PRH1: variants seen among roughly 807,000 people sequenced by gnomAD.
PRH1 encodes salivary acidic proline-rich phosphoprotein 1/2.
A neutral mutation model predicts 7.9 loss-of-function variants in PRH1; 7 were observed. That is an observed-to-expected ratio of 0.89 (90% CI 0.50 to 1.67). The LOEUF (loss-of-function observed/expected upper bound fraction) is 1.67, where lower values mean the gene tolerates loss of function less well. Among genes scored for constraint, PRH1 ranks in the 40% most tolerant of loss-of-function variants. The pLI is 0.00. For missense variants in PRH1, 109 were observed against 223.6 expected (o/e 0.49, Z 3.27); for synonymous variants, 45 against 80.8 (o/e 0.56, Z 2.38).
intron 1 of PRH1, among the ~76,000 whole-genome samples, chr12:11,055,464 G>T (rs530872855): frequency 6.6e-6 from 1 of 152,262 alleles, no homozygotes; most frequent in Non-Finnish European, 1.5e-5. Flanking sequence ...TAATGTTCTT[G>T]TTCCTTTTAA....
intron 1 of PRH1, among the ~76,000 whole-genome samples, chr12:11,018,950 G>C (rs1352339055): frequency 6.6e-6 from 1 of 150,858 alleles, no homozygotes; most frequent in African/African-American, 2.4e-5. Flanking sequence ...TGTCTAAAAA[G>C]TTAAGTAGAA....
intron 1 of PRH1, among the ~76,000 whole-genome samples, chr12:11,148,559 C>T (rs1946947321): frequency 6.8e-6 from 1 of 146,990 alleles, no homozygotes. Flanking sequence ...TGGTTTTTGT[C>T]TTTGGTTCTG....
chr12:10,926,307 C>A (rs1158351443), intron 2 of PRH1, among the ~76,000 whole-genome samples: 2 of 152,208 alleles, frequency 1.3e-5, no homozygotes, highest in Non-Finnish European at 2.9e-5. Context: ...AGAAGTTTAT[C>A]CCCTCTGCCA....
chr12:11,164,866 A>G (rs1358362998), intron 1 of PRH1, among the ~76,000 whole-genome samples: 1 of 152,152 alleles, frequency 6.6e-6, no homozygotes, highest in Non-Finnish European at 1.5e-5. Flanking sequence ...AACTACCACA[A>G]TCAAGATATA....
chr12:11,037,973 C>T lies in PRH1; in HGVS notation c.-126+9047G>A, dbSNP rs1259188161. 3.3e-5 allele frequency among the ~76,000 whole-genome samples: 5 copies of T among 152,184 alleles called. No individual in the cohort carries two copies. The South Asian group carries it at 6.2e-4, about 19-fold the overall frequency. On this transcript the variant is annotated intron_variant, in intron 1 of 3. Transcript: ENST00000539853. ...GGGAGAATCACTTGAGCCCAGGTGG[C>T]GGAGGTTGCATTGAGCCAAGATTGC...
rs1022808401 is a variant in PRH1 at position 11,084,491 on chromosome 12, C to T, written n.124-37303G>A. Among the ~76,000 whole-genome samples the T allele has an allele frequency of 6.1e-5, 9 of 147,986 alleles. No homozygotes were observed. The Admixed American group carries it at 6.1e-4, about 10-fold the overall frequency. On this transcript the variant is annotated intron_variant and non_coding_transcript_variant, in intron 1 of 4. Transcript: ENST00000541977. ...AAATACTGGGTCTTCAGATGTGATC[C>T]ATCATCTTAATCAGATAATGCCATA...
intron 2 of PRH1, among the ~76,000 whole-genome samples, chr12:10,903,932 A>AAAAAAAAAAAAAAAAAAAAC (rs1491283645): frequency 3.9e-5 from 4 of 101,418 alleles, no homozygotes; most frequent in East Asian, 5.6e-4. Flanking sequence ...CAATAGCCTC[A>AAAAAAAAAAAAAAAAAAAAC]AAAAAAAAAA....
intron 1 of PRH1, chr12:11,133,340 T>C (rs752767803): frequency 1.9e-6 from 3 of 1,613,916 alleles, no homozygotes; most frequent in South Asian, 2.2e-5. Flanking sequence ...GCTTCTGTCT[T>C]TCACCCAGTA....
intron 2 of PRH1, among the ~76,000 whole-genome samples, chr12:10,922,617 G>C (rs549290587): frequency 6.6e-6 from 1 of 151,854 alleles, no homozygotes; most frequent in Non-Finnish European, 1.5e-5. Context: ...TAAAAGTATT[G>C]AATTAATTTT....
chr12:10,916,346 T>A (rs1195879124), intron 2 of PRH1, among the ~76,000 whole-genome samples: 1 of 152,110 alleles, frequency 6.6e-6, no homozygotes, highest in Non-Finnish European at 1.5e-5. Context: ...CAAACCCTGT[T>A]CCAGAGATGC....
At chr12:10,968,784 G>A (rs1287026485) in intron 2 of PRH1, among the ~76,000 whole-genome samples, 1 of 152,342 alleles carries the variant, frequency 6.6e-6, no homozygotes, top group Middle Eastern at 3.4e-3. Flanking sequence ...ATGCCAGCAG[G>A]AACAAATTCT....
At chr12:10,925,516 G>A (rs1325408098) in intron 2 of PRH1, among the ~76,000 whole-genome samples, 3 of 152,102 alleles carry the variant, frequency 2.0e-5, no homozygotes, top group African/African-American at 7.2e-5. Context: ...CTTGTATTAA[G>A]AAAGCACATA....
chr12:11,082,151 A>G (rs574668156), intron 1 of PRH1, among the ~76,000 whole-genome samples: 1 of 116,374 alleles, frequency 8.6e-6, no homozygotes, highest in South Asian at 2.3e-4. Flanking sequence ...TTTCAAAAAT[A>G]AATCATTTAA....
chr12:10,938,704 A>C, intron 2 of PRH1: 3 of 1,614,048 alleles, frequency 1.9e-6, no homozygotes, highest in Non-Finnish European at 2.5e-6. Context: ...AGTTACTTGA[A>C]TCAGAACTGC....
chr12:11,153,325 A>T (rs936521921), intron 1 of PRH1, among the ~76,000 whole-genome samples: 1 of 152,256 alleles, frequency 6.6e-6, no homozygotes, highest in African/African-American at 2.4e-5. Flanking sequence ...CTCCTATAGC[A>T]GAAGTACTAA....
At chr12:11,149,667 T>G (rs1252333598) in intron 1 of PRH1, among the ~76,000 whole-genome samples, 3 of 142,138 alleles carry the variant, frequency 2.1e-5, no homozygotes, top group Admixed American at 1.4e-4. Flanking sequence ...CAAAAATTAA[T>G]TCAAGATGGA....
chr12:10,978,607 A>G (rs1299884299), intron 1 of PRH1, among the ~76,000 whole-genome samples: 1 of 152,174 alleles, frequency 6.6e-6, no homozygotes, highest in African/African-American at 2.4e-5. Context: ...TTTCTGCACA[A>G]GAAAAGAAAT....
chr12:11,059,873 T>C (rs1309273904), intron 1 of PRH1, among the ~76,000 whole-genome samples: 1 of 152,174 alleles, frequency 6.6e-6, no homozygotes, highest in Admixed American at 6.5e-5. Context: ...CATTTATTTG[T>C]TCATTAAAAT....
At chr12:10,955,158 T>C (rs1937890265) in intron 2 of PRH1, among the ~76,000 whole-genome samples, 1 of 152,060 alleles carries the variant, frequency 6.6e-6, no homozygotes, top group Non-Finnish European at 1.5e-5. Context: ...TGGCATATAA[T>C]CTAAAATCAG....
Sources: allele counts gnomAD v4.1 joint callset (sites outside exome capture counted in the v4.1 genomes callset), GRCh38; gene constraint gnomAD v4.1.1; transcripts MANE v1.5; gene names NCBI Gene and HGNC (gene_info 2026-07-23, HGNC 2026-07-21).